DGKI: variants seen among roughly 807,000 people sequenced by gnomAD.
DGKI encodes the protein diacylglycerol kinase iota.
In DGKI, 55 loss-of-function variants were observed where a neutral mutation model predicts 147.5. The ratio of observed to expected loss-of-function variants is 0.37; its 90% CI spans 0.30 to 0.47. The LOEUF (loss-of-function observed/expected upper bound fraction) is 0.47, where lower values mean the gene tolerates loss of function less well. Among genes scored for constraint, DGKI ranks in the 20% least tolerant of loss-of-function variants. DGKI has a pLI of 1.00. For missense variants in DGKI, 1,007 were observed against 1,323.8 expected (o/e 0.76, Z 3.71); for synonymous variants, 469 against 477.1 (o/e 0.98, Z 0.22).
intron 28 of DGKI, among the ~76,000 whole-genome samples, chr7:137,443,793 C>A (rs537125484): frequency 6.6e-6 from 1 of 152,258 alleles, no homozygotes; most frequent in East Asian, 1.9e-4. Flanking sequence ...TCCAAAACCA[C>A]AAAACCACAA....
intron 1 of DGKI, among the ~76,000 whole-genome samples, chr7:137,805,678 A>G (rs1477886105): frequency 2.6e-5 from 4 of 152,216 alleles, no homozygotes; most frequent in Admixed American, 1.3e-4. Flanking sequence ...CATGATTTGC[A>G]TCTATTCTTG....
intron 23 of DGKI, among the ~76,000 whole-genome samples, chr7:137,472,665 C>T (rs1187156762): frequency 6.6e-6 from 1 of 151,372 alleles, no homozygotes; most frequent in Non-Finnish European, 1.5e-5. Context: ...GTACTTAATG[C>T]ATTTTTGAAA....
At chr7:137,676,667 C>T (rs1823049245) in intron 3 of DGKI, among the ~76,000 whole-genome samples, 1 of 152,170 alleles carries the variant, frequency 6.6e-6, no homozygotes, top group Non-Finnish European at 1.5e-5. Context: ...TATGAGGAAG[C>T]TTCAGAAGGA....
chr7:137,828,115 C>T (rs965242311), intron 1 of DGKI, among the ~76,000 whole-genome samples: 44 of 152,330 alleles, frequency 2.9e-4, no homozygotes, highest in African/African-American at 9.9e-4. Flanking sequence ...TTCTCTCTAT[C>T]ACCAAGCCAT....
intron 1 of DGKI, among the ~76,000 whole-genome samples, chr7:137,764,847 C>T (rs1188998752): frequency 2.0e-5 from 3 of 152,196 alleles, no homozygotes; most frequent in East Asian, 3.8e-4. Flanking sequence ...CCTACCTCTC[C>T]AATCTCTTCC....
Position 137,835,963 on chromosome 7 carries a change from T to C in DGKI, c.401+10499A>G, listed in dbSNP as rs148716006. Among the ~76,000 whole-genome samples, 69 of 152,296 alleles carry C rather than the reference T, an allele frequency of 4.5e-4. No homozygotes were observed. In the East Asian group the frequency reaches 0.01, roughly 22 times the overall value. ...TGTGACTGTTTCCTTAAATGTACAA[T>C]GGCTATGAAAACAATACGGGGTTGC... is the stretch of plus-strand genomic sequence containing the variant. On this transcript the variant is annotated intron_variant, in intron 1 of 32. Transcript: ENST00000614521.
At chr7:137,520,766 A>G (rs1411676177) in intron 21 of DGKI, among the ~76,000 whole-genome samples, 4 of 151,876 alleles carry the variant, frequency 2.6e-5, no homozygotes, top group Non-Finnish European at 5.9e-5. Context: ...AGATTGTAGA[A>G]CCCTCTGTAC....
intron 21 of DGKI, among the ~76,000 whole-genome samples, chr7:137,498,582 T>C (rs1816055135): frequency 6.6e-6 from 1 of 152,048 alleles, no homozygotes; most frequent in South Asian, 2.1e-4. Flanking sequence ...ATTTGGAATG[T>C]TTTTGAACTT....
At chr7:137,544,285 G>A (rs1817796459) in intron 20 of DGKI, among the ~76,000 whole-genome samples, 1 of 152,070 alleles carries the variant, frequency 6.6e-6, no homozygotes, top group Non-Finnish European at 1.5e-5. Context: ...AATCAACGGA[G>A]CCACTAAAAA....
At chr7:137,404,646 G>C (rs1182133189) in intron 30 of DGKI, among the ~76,000 whole-genome samples, 1 of 152,178 alleles carries the variant, frequency 6.6e-6, no homozygotes, top group Non-Finnish European at 1.5e-5. Flanking sequence ...CTCAGAAATT[G>C]TTTGCCTGGA....
At chr7:137,635,582 A>C (rs1585311146) in intron 6 of DGKI, among the ~76,000 whole-genome samples, 1 of 152,350 alleles carries the variant, frequency 6.6e-6, no homozygotes, top group East Asian at 1.9e-4. Flanking sequence ...ATAGAGGTGC[A>C]GAAGCGGCCA....
At chr7:137,791,954 A>C (rs982453381) in intron 1 of DGKI, among the ~76,000 whole-genome samples, 4 of 152,240 alleles carry the variant, frequency 2.6e-5, no homozygotes, top group African/African-American at 9.6e-5. Context: ...CAACTCATTA[A>C]GTTGGCTGTA....
At chr7:137,784,369 A>C (rs1222084693) in intron 1 of DGKI, among the ~76,000 whole-genome samples, 1 of 152,204 alleles carries the variant, frequency 6.6e-6, no homozygotes, top group African/African-American at 2.4e-5. Flanking sequence ...CAGCTAAAAA[A>C]GACAAAGAGG....
At chr7:137,656,257 A>T (rs1196797665) in intron 4 of DGKI, among the ~76,000 whole-genome samples, 1 of 152,232 alleles carries the variant, frequency 6.6e-6, no homozygotes, top group African/African-American at 2.4e-5. Flanking sequence ...GAGTCAACGT[A>T]AAATGATATC....
chr7:137,665,885 A>G (rs1473056410), intron 3 of DGKI, among the ~76,000 whole-genome samples: 2 of 152,230 alleles, frequency 1.3e-5, no homozygotes, highest in Non-Finnish European at 2.9e-5. Context: ...AAGAACTAGA[A>G]AGACACACAA....
intron 23 of DGKI, among the ~76,000 whole-genome samples, chr7:137,479,326 T>TA (rs1815289121): frequency 6.6e-6 from 1 of 152,096 alleles, no homozygotes; most frequent in Non-Finnish European, 1.5e-5. Flanking sequence ...AAATCCCTGA[T>TA]ACGTGAATCT....
chr7:137,424,280 G>T (rs1267189415), intron 28 of DGKI, among the ~76,000 whole-genome samples: 5 of 152,134 alleles, frequency 3.3e-5, no homozygotes, highest in Non-Finnish European at 5.9e-5. Context: ...GTATCAGTAA[G>T]TCTTCAATTA....
intron 1 of DGKI, among the ~76,000 whole-genome samples, chr7:137,737,818 C>T (rs781266964): frequency 6.6e-6 from 1 of 152,078 alleles, no homozygotes; most frequent in Admixed American, 6.6e-5. Context: ...AGAGCCCTGG[C>T]CACATGGAAC....
intron 6 of DGKI, among the ~76,000 whole-genome samples, chr7:137,635,649 C>T (rs1821284096): frequency 6.6e-6 from 1 of 152,202 alleles, no homozygotes; most frequent in Non-Finnish European, 1.5e-5. Context: ...AGATGAAGGC[C>T]TGACAGAGAG....
Sources: gnomAD v4.1 joint callset for allele counts (sites outside exome capture counted in the v4.1 genomes callset) on GRCh38, gnomAD v4.1.1 for gene constraint, MANE v1.5 for transcripts, NCBI Gene and HGNC (gene_info 2026-07-23, HGNC 2026-07-21) for gene names.